SATL1: variants seen among roughly 807,000 people sequenced by gnomAD.
The protein encoded by SATL1 is spermidine/spermine N1-acetyl transferase like 1, also known as spermidine/spermine N(1)-acetyltransferase-like protein 1.
SATL1 carries 47 observed loss-of-function variants against 51.8 expected under a neutral mutation model. The observed-to-expected ratio is 0.91, with a 90% confidence interval of 0.72 to 1.16. The LOEUF is 1.16. Ranked by LOEUF, SATL1 falls within the 50% of genes most tolerant of loss-of-function variation. The pLI is 0.00. For synonymous variants in SATL1, 176 were observed against 182.4 expected (o/e 0.97, Z 0.28); for missense variants, 520 against 526.4 (o/e 0.99, Z 0.12).
intron 1 of SATL1, among the ~76,000 whole-genome samples, chrX:85,228,307 C>T (rs1245288711): frequency 9.0e-6 from 1 of 111,052 alleles, no homozygotes; most frequent in East Asian, 2.8e-4. Context: ...TCTCCCTATT[C>T]AAAGATGTCA....
chrX:85,130,802 C>G (rs1028515811), intron 2 of SATL1, among the ~76,000 whole-genome samples: 6 of 112,036 alleles, frequency 5.4e-5, no homozygotes, highest in African/African-American at 1.9e-4. Context: ...AAATTTCCCT[C>G]TACACACTGC....
intron 2 of SATL1, among the ~76,000 whole-genome samples, chrX:85,206,255 A>T (rs1927788843): frequency 9.0e-6 from 1 of 111,512 alleles, no homozygotes; most frequent in Non-Finnish European, 1.9e-5. Context: ...ATGTTAATGG[A>T]CTTACGGCCA....
chrX:85,174,779 T>C (rs990252857), intron 2 of SATL1, among the ~76,000 whole-genome samples: 1 of 111,969 alleles, frequency 8.9e-6, no homozygotes, highest in Non-Finnish European at 1.9e-5. Context: ...AATAGATTTG[T>C]AATATTTGTT....
intron 2 of SATL1, among the ~76,000 whole-genome samples, chrX:85,146,905 T>C (rs1157150827): frequency 8.9e-6 from 1 of 112,180 alleles, no homozygotes; most frequent in Non-Finnish European, 1.9e-5. Flanking sequence ...AGAAGATGGG[T>C]GATTTCTGCA....
intron 2 of SATL1, among the ~76,000 whole-genome samples, chrX:85,215,474 C>G (rs1028213579): frequency 1.8e-5 from 2 of 112,253 alleles, no homozygotes; most frequent in Non-Finnish European, 3.8e-5. Context: ...CTTTTACACT[C>G]TGCTTCCTTT....
intron 2 of SATL1, among the ~76,000 whole-genome samples, chrX:85,220,606 C>G (rs1046250737): frequency 1.1e-5 from 1 of 89,370 alleles, no homozygotes; most frequent in Non-Finnish European, 2.1e-5. Flanking sequence ...CATAAGGACC[C>G]TGTTCCAGGC....
intron 2 of SATL1, among the ~76,000 whole-genome samples, chrX:85,193,079 C>T (rs1006279302): frequency 4.5e-5 from 5 of 111,485 alleles, no homozygotes; most frequent in East Asian, 2.8e-4. Context: ...AGTACTTTTA[C>T]GATATGCAAA....
chrX:85,161,418 C>T (rs1926715448), intron 2 of SATL1, among the ~76,000 whole-genome samples: 1 of 108,451 alleles, frequency 9.2e-6, no homozygotes, highest in Non-Finnish European at 1.9e-5. Flanking sequence ...AGAGACCCAT[C>T]TCACATGCAG....
At chrX:85,135,896 A>G (rs2147710275) in intron 2 of SATL1, among the ~76,000 whole-genome samples, 1 of 110,264 alleles carries the variant, frequency 9.1e-6, no homozygotes, top group South Asian at 4.0e-4. Flanking sequence ...GATAAATCTA[A>G]TGAAAAAAGG....
chrX:85,198,157 C>A (rs1337883751), intron 2 of SATL1, among the ~76,000 whole-genome samples: 1 of 111,798 alleles, frequency 8.9e-6, no homozygotes, highest in Non-Finnish European at 1.9e-5. Context: ...TTGTGCATGA[C>A]TGAATCTCAT....
chrX:85,094,545 A>G lies in SATL1; in HGVS notation c.1775-316T>C, dbSNP rs752436222. On this transcript the variant is annotated intron_variant, in intron 5 of 7. Transcript: ENST00000644105. ...GGTCGCTTGAGCTCAGGAGTTTGAG[A>G]CCAGTCTGGGCAACATAGTGACACC... 1.1e-4 allele frequency among the ~76,000 whole-genome samples: 12 copies of G among 110,860 alleles called. No individual in the cohort carries two copies. The East Asian group carries it at 1.7e-3, about 16-fold the overall frequency.
chrX:85,223,578 A>G (rs1031071428), intron 2 of SATL1, among the ~76,000 whole-genome samples: 2 of 111,138 alleles, frequency 1.8e-5, no homozygotes, highest in Admixed American at 9.6e-5. Context: ...TAAGAAGCCT[A>G]GGTCCAGAAA....
At chrX:85,141,822 T>C (rs985356165) in intron 2 of SATL1, among the ~76,000 whole-genome samples, 2 of 109,196 alleles carry the variant, frequency 1.8e-5, no homozygotes, top group African/African-American at 6.7e-5. Context: ...TTAGAGTCTA[T>C]CTATGATTTA....
chrX:85,214,227 G>A (rs1410705122), intron 2 of SATL1, among the ~76,000 whole-genome samples: 2 of 111,570 alleles, frequency 1.8e-5, no homozygotes, highest in African/African-American at 6.5e-5. Flanking sequence ...TTCTGGTGAG[G>A]GCTTTAGGCT....
At chrX:85,162,102 T>C (rs2147728938) in intron 2 of SATL1, among the ~76,000 whole-genome samples, 1 of 111,749 alleles carries the variant, frequency 8.9e-6, no homozygotes, top group South Asian at 3.7e-4. Context: ...AATCAAAAAG[T>C]TATTTGAAAC....
At chrX:85,221,403 T>C (rs1364906753) in intron 2 of SATL1, among the ~76,000 whole-genome samples, 1 of 112,074 alleles carries the variant, frequency 8.9e-6, no homozygotes, top group Non-Finnish European at 1.9e-5. Flanking sequence ...AGGCTTTAGG[T>C]AGTTTAGTAA....
intron 3 of SATL1, among the ~76,000 whole-genome samples, chrX:85,105,374 C>G (rs1364882274): frequency 9.0e-6 from 1 of 111,168 alleles, no homozygotes; most frequent in African/African-American, 3.3e-5. Flanking sequence ...ATCCAAGAAT[C>G]CTTATATCTT....
chrX:85,200,409 C>T (rs1490392077), intron 2 of SATL1, among the ~76,000 whole-genome samples: 1 of 112,266 alleles, frequency 8.9e-6, no homozygotes, highest in Non-Finnish European at 1.9e-5. Flanking sequence ...GGACTGAGCA[C>T]TTCATACATA....
At chrX:85,205,997 G>A (rs1226336911) in intron 2 of SATL1, among the ~76,000 whole-genome samples, 1 of 111,665 alleles carries the variant, frequency 9.0e-6, no homozygotes, top group African/African-American at 3.3e-5. Flanking sequence ...CAGAAATCAA[G>A]CATGACCATA....
Sources: allele counts gnomAD v4.1 joint callset (sites outside exome capture counted in the v4.1 genomes callset), GRCh38; gene constraint gnomAD v4.1.1; transcripts MANE v1.5; gene names NCBI Gene and HGNC (gene_info 2026-07-23, HGNC 2026-07-21).